The following TPPP3 variants were observed in gnomAD, a reference collection of about 807,000 sequenced individuals.
TPPP3 encodes tubulin polymerization promoting protein family member 3.
In TPPP3, 7 loss-of-function variants were observed where a neutral mutation model predicts 13.1. That is an observed-to-expected ratio of 0.54 (90% CI 0.30 to 1.01). The LOEUF (loss-of-function observed/expected upper bound fraction) is 1.01. TPPP3 is among the 50% of genes least tolerant of loss of function. The pLI is 0.06. For synonymous variants in TPPP3, 87 were observed against 93.7 expected (o/e 0.93, Z 0.41); for missense variants, 185 against 235.0 (o/e 0.79, Z 1.39).
At position 67,393,267 on chromosome 16, in the gene TPPP3, C is replaced by T. The variant is rs1414155160; in HGVS notation, c.-7+113G>A. On this transcript the variant is annotated intron_variant, in intron 1 of 3. Coordinates refer to ENST00000393957, the MANE Select transcript of TPPP3 (RefSeq NM_015964.4). This position sits in a 1 kb window ranked among gnomAD's most constrained non-coding sequence, Gnocchi z 5.4. ...CCAGGGCAGGGCCGCTCAGCTGGCT[C>T]CTCGGCTGGGACCGCCGGAGGTTGG... 5.3e-6 allele frequency: 5 copies of T among 944,174 alleles called. No individual in the cohort carries two copies. Among genetic ancestry groups the T allele is most frequent in the Admixed American group, 6.2e-5 (1 of 16,230 alleles). The allele number at this position is 944,174 out of a possible 1,614,324, so 58.5% of individuals were successfully genotyped here.
Position 67,392,826 on chromosome 16 carries a change from G to T in TPPP3, c.-7+554C>A. 2.8e-6 allele frequency: 1 copy of T among 358,112 alleles called. No individual in the cohort carries two copies. The allele number at this position is 358,112 out of a possible 1,614,324, so 22.2% of individuals were successfully genotyped here. ...ACCACACTCCCATCCCTAAGTGGCA[G>T]TTTCTGGGACTGTGAGCACCGGTGG... is the stretch of plus-strand genomic sequence containing the variant. On this transcript the variant is annotated intron_variant, in intron 1 of 3. Transcript: ENST00000393957. This position sits in a 1 kb window ranked among gnomAD's most constrained non-coding sequence, Gnocchi z 4.9.
chr16:67,391,201 A>G lies in TPPP3; in HGVS notation c.-6-84T>C. The G allele has an allele frequency of 7.5e-7, 1 of 1,341,756 alleles. No homozygotes were observed. Among genetic ancestry groups the G allele is most frequent in the African/African-American group, 1.4e-5 (1 of 69,474 alleles). The allele number at this position is 1,341,756 out of a possible 1,614,324, so 83.1% of individuals were successfully genotyped here. A position where few individuals can be genotyped will look rare whatever the true frequency, so the allele number is the denominator to read the frequency against. ...CAGAACATCCCAGCCTCTACCTCAAACCTGCAAGACCTGGGCAGGTTCTGC... is the reference window on the plus strand; with the variant it reads ...CAGAACATCCCAGCCTCTACCTCAAGCCTGCAAGACCTGGGCAGGTTCTGC... On this transcript the variant is annotated intron_variant, in intron 1 of 3. Coordinates refer to ENST00000393957, the MANE Select transcript of TPPP3 (RefSeq NM_015964.4). This position sits in a 1 kb window ranked among gnomAD's most constrained non-coding sequence, Gnocchi z 6.3.
chr16:67,392,404 G>A lies in TPPP3; in HGVS notation c.-7+976C>T, dbSNP rs1210014523. On this transcript the variant is annotated intron_variant, in intron 1 of 3. Transcript: ENST00000393957. This position sits in a 1 kb window ranked among gnomAD's most constrained non-coding sequence, Gnocchi z 4.9. The stretch of plus-strand genomic sequence containing the variant: ...TCCCCACACCCGCAGCCCTGGGGCT[G>A]AGGCCCCTGGCCACAAACCTGCATC... Among the ~76,000 whole-genome samples, 1 of 150,386 alleles carries A rather than the reference G, an allele frequency of 6.6e-6. No individual in the cohort carries two copies. Among genetic ancestry groups the A allele is most frequent in the Non-Finnish European group, 1.5e-5 (1 of 67,508 alleles).
Position 67,390,959 on chromosome 16 carries a change from T to C in TPPP3, c.153A>G (p.Thr51=), listed in dbSNP as rs200015709. 1.2e-6 allele frequency: 2 copies of C among 1,614,214 alleles called. No individual in the cohort carries two copies. The highest frequency in any genetic ancestry group is 3.3e-5 in the Admixed American group (2 of 60,030). ...AGAAGACGATGTCCACATCGGTCCCTGTCACGGACTTTCCGTCAGCCACCT... is the reference window on the plus strand; with the variant it reads ...AGAAGACGATGTCCACATCGGTCCCCGTCACGGACTTTCCGTCAGCCACCT... ...DCKVADGKSV[T]GTDVDIVFSK... Residue 51 remains threonine (T), a synonymous_variant, in exon 2 of 4, where the codon ACA becomes ACG. Transcript: ENST00000393957. This position sits in a 1 kb window ranked among gnomAD's most constrained non-coding sequence, Gnocchi z 6.4.
Position 67,390,558 on chromosome 16 carries a change from T to A in TPPP3, c.263A>T (p.Lys88Met). 6.2e-7 allele frequency: 1 copy of A among 1,614,000 alleles called. No homozygotes were observed. The highest frequency in any genetic ancestry group is 2.2e-5 in the East Asian group (1 of 44,858). The change falls in exon 3 of 4, where the codon AAG (lysine) becomes ATG (methionine). Residue 88 changes from lysine (K) to methionine (M), a missense_variant. Lys to Met is a moderately conservative substitution (Grantham distance 95, BLOSUM62 -1). Transcript: ENST00000393957. This position sits in a 1 kb window ranked among gnomAD's most constrained non-coding sequence, Gnocchi z 6.4. The stretch of plus-strand genomic sequence containing the variant: ...GAAGGCCTCCTCCTTGCTCTTCCCC[T>A]TGAATCTCTTGGTCGCCAGCTCTTC... ...ALEELATKRFKGKSKEEAFDA... is the reference protein window; with the variant it reads ...ALEELATKRFMGKSKEEAFDA...
chr16:67,390,386 G>C lies in TPPP3; in HGVS notation c.343-24C>G. 1.2e-6 allele frequency: 2 copies of C among 1,610,374 alleles called. No homozygotes were observed. Among genetic ancestry groups the C allele is most frequent in the Non-Finnish European group, 1.7e-6 (2 of 1,176,940 alleles). ...TTCTGTTTGGACAGAGTTTCCCCAG[G>C]GGCACCTGATGAGGGAGCCCAGCCC... On this transcript the variant is annotated intron_variant, in intron 3 of 3. Transcript: ENST00000393957. This position sits in a 1 kb window ranked among gnomAD's most constrained non-coding sequence, Gnocchi z 6.4.
In TPPP3 at chr16:67,391,252, G is replaced by T; in HGVS notation, c.-6-135C>A. On this transcript the variant is annotated intron_variant, in intron 1 of 3. Transcript: ENST00000393957. The surrounding 1 kb of genome is among the most constrained non-coding windows in gnomAD (Gnocchi z 6.3). ...TACAGAGTTGGTGCTGGAGCTGCCT[G>T]GGGAGAGGGGCCCGTCACTGTCGCC... 1.1e-6 allele frequency: 1 copy of T among 902,412 alleles called. No homozygotes were observed. The highest frequency in any genetic ancestry group is 1.6e-6 in the Non-Finnish European group (1 of 606,098). The allele number at this position is 902,412 out of a possible 1,614,324, so 55.9% of individuals were successfully genotyped here.
In TPPP3 at chr16:67,391,188, G is replaced by C; in HGVS notation, c.-6-71C>G. 1 of 1,487,980 alleles carries C rather than the reference G, an allele frequency of 6.7e-7. No homozygotes were observed. The highest frequency in any genetic ancestry group is 9.2e-7 in the Non-Finnish European group (1 of 1,086,712). 92.2% of individuals were successfully genotyped at this position (1,487,980 alleles called of 1,614,324 possible). ...CCTCCCCCAAGCCCAGAACATCCCAGCCTCTACCTCAAACCTGCAAGACCT... is the reference window on the plus strand; with the variant it reads ...CCTCCCCCAAGCCCAGAACATCCCACCCTCTACCTCAAACCTGCAAGACCT... On this transcript the variant is annotated intron_variant, in intron 1 of 3. Coordinates refer to ENST00000393957, the MANE Select transcript of TPPP3 (RefSeq NM_015964.4). This position sits in a 1 kb window ranked among gnomAD's most constrained non-coding sequence, Gnocchi z 6.3.
rs764519111 is a variant in TPPP3 at position 67,390,544 on chromosome 16, C to T, written c.277G>A (p.Glu93Lys). ...ATKRFKGKSK[E>K]EAFDAICQLV... is the part of the protein sequence containing the mutation. ...TGGCAGATGGCATCGAAGGCCTCCT[C>T]CTTGCTCTTCCCCTTGAATCTCTTG... Residue 93 changes from glutamate (E) to lysine (K), a missense_variant, in exon 3 of 4, where the codon GAG (glutamate) becomes AAG (lysine). Physicochemically the swap from Glu to Lys is moderately conservative, Grantham distance 56. Transcript: ENST00000393957. This position sits in a 1 kb window ranked among gnomAD's most constrained non-coding sequence, Gnocchi z 6.4. The T allele has an allele frequency of 6.2e-7, 1 of 1,614,024 alleles. No individual in the cohort carries two copies. Among genetic ancestry groups the T allele is most frequent in the Non-Finnish European group, 8.5e-7 (1 of 1,180,022 alleles).
Position 67,391,255 on chromosome 16 carries a change from G to A in TPPP3, c.-6-138C>T. 9.0e-6 allele frequency: 8 copies of A among 885,784 alleles called. No individual in the cohort carries two copies. Among genetic ancestry groups the A allele is most frequent in the Non-Finnish European group, 1.4e-5 (8 of 591,336 alleles). 54.9% of individuals were successfully genotyped at this position (885,784 alleles called of 1,614,324 possible). A position where few individuals can be genotyped will look rare whatever the true frequency, so the allele number is the denominator to read the frequency against. On this transcript the variant is annotated intron_variant, in intron 1 of 3. Transcript: ENST00000393957. The surrounding 1 kb of genome is among the most constrained non-coding windows in gnomAD (Gnocchi z 6.3). The stretch of plus-strand genomic sequence containing the variant: ...AGAGTTGGTGCTGGAGCTGCCTGGG[G>A]AGAGGGGCCCGTCACTGTCGCCCTG...
At position 67,390,977 on chromosome 16, in the gene TPPP3, A is replaced by G; in HGVS notation, c.135T>C (p.Ala45=). Residue 45 remains alanine, a synonymous_variant, in exon 2 of 4, where the codon GCT becomes GCC. Coordinates refer to ENST00000393957, the MANE Select transcript of TPPP3 (RefSeq NM_015964.4). This position sits in a 1 kb window ranked among gnomAD's most constrained non-coding sequence, Gnocchi z 6.4. ...WAKLCKDCKV[A]DGKSVTGTDV... Reference sequence around the variant, plus strand: ...CGGTCCCTGTCACGGACTTTCCGTCAGCCACCTTGCAGTCCTTGCACAGCT... The same window carrying G: ...CGGTCCCTGTCACGGACTTTCCGTCGGCCACCTTGCAGTCCTTGCACAGCT... The G allele has an allele frequency of 6.2e-7, 1 of 1,614,234 alleles. No homozygotes were observed. Among genetic ancestry groups the G allele is most frequent in the Non-Finnish European group, 8.5e-7 (1 of 1,180,034 alleles).
At position 67,390,567 on chromosome 16, in the gene TPPP3, T is replaced by C. The variant is rs943586964; in HGVS notation, c.254A>G (p.Lys85Arg). 2.5e-6 allele frequency: 4 copies of C among 1,614,052 alleles called. No individual in the cohort carries two copies. Among genetic ancestry groups the C allele is most frequent in the Non-Finnish European group, 3.4e-6 (4 of 1,180,018 alleles). The change falls in exon 3 of 4, where the codon AAG becomes AGG. Residue 85 changes from lysine to arginine, a missense_variant. Transcript: ENST00000393957. This position sits in a 1 kb window ranked among gnomAD's most constrained non-coding sequence, Gnocchi z 6.4. The part of the protein sequence containing the change: ...FKKALEELAT[K>R]RFKGKSKEEA... ...CTCCTTGCTCTTCCCCTTGAATCTC[T>C]TGGTCGCCAGCTCTTCCAGGGCCTT...
chr16:67,390,232 C>G lies in TPPP3; in HGVS notation c.473G>C (p.Ser158Thr). 6.2e-7 allele frequency: 1 copy of G among 1,614,258 alleles called. No homozygotes were observed. The change falls in exon 4 of 4, where the codon AGT becomes ACT. Residue 158 changes from serine (S) to threonine (T), a missense_variant. Ser to Thr is a moderately conservative substitution (Grantham distance 58). Coordinates refer to ENST00000393957, the MANE Select transcript of TPPP3 (RefSeq NM_015964.4). The surrounding 1 kb of genome is among the most constrained non-coding windows in gnomAD (Gnocchi z 6.4). The part of the protein sequence containing the change: ...IAGRQDILDD[S>T]GYVSAYKNAG... Reference sequence around the variant, plus strand: ...ATTCTTGTAGGCGCTCACGTAGCCACTGTCGTCCAGGATGTCCTGCCGTCC... The same window carrying G: ...ATTCTTGTAGGCGCTCACGTAGCCAGTGTCGTCCAGGATGTCCTGCCGTCC...
At position 67,390,349 on chromosome 16, in the gene TPPP3, C is replaced by T. The variant is rs777697372; in HGVS notation, c.356G>A (p.Gly119Glu). The T allele has an allele frequency of 5.0e-6, 8 of 1,613,698 alleles. No homozygotes were observed. Among genetic ancestry groups the T allele is most frequent in the Non-Finnish European group, 6.8e-6 (8 of 1,179,752 alleles). Residue 119 changes from glycine to glutamate, a missense_variant, in exon 4 of 4, where the codon GGG (glycine) becomes GAG (glutamate). Gly to Glu is a moderately conservative substitution (Grantham distance 98). Coordinates refer to ENST00000393957, the MANE Select transcript of TPPP3 (RefSeq NM_015964.4). This position sits in a 1 kb window ranked among gnomAD's most constrained non-coding sequence, Gnocchi z 6.4. ...GTCCGTCAGCCGGTCTACAGCACCC[C>T]CTGTTTTTGCTTTCTGTTTGGACAG... is the stretch of plus-strand genomic sequence containing the variant. The part of the protein sequence containing the change: ...ANVGVTKAKT[G>E]GAVDRLTDTS...
rs756811654 is a variant in TPPP3, at chr16:67,390,627, T to A, written c.194A>T (p.Lys65Met). The A allele has an allele frequency of 1.9e-6, 3 of 1,612,482 alleles. No homozygotes were observed. Among genetic ancestry groups the A allele is most frequent in the Non-Finnish European group, 2.5e-6 (3 of 1,179,714 alleles). Residue 65 changes from lysine to methionine, a missense_variant, in exon 3 of 4, where the codon AAG becomes ATG. Lys to Met is a moderately conservative substitution (Grantham distance 95). Transcript: ENST00000393957. The surrounding 1 kb of genome is among the most constrained non-coding windows in gnomAD (Gnocchi z 6.4). ...CTCATAGTTGATGACCCGAGCAGAC[T>A]TCCCCCTGACAGGCATGTGGGCACC... Reference protein sequence around the residue: ...VDIVFSKVKGKSARVINYEEF... With the variant: ...VDIVFSKVKGMSARVINYEEF...
In TPPP3 at chr16:67,392,034, A is replaced by G. The variant is rs558035399; in HGVS notation, c.-6-917T>C. ...TACGAACCCCAAGAGTCGTGCTGGC[A>G]AGTGGGGCTGTGGCTGAAACACACT... On this transcript the variant is annotated intron_variant, in intron 1 of 3. Transcript: ENST00000393957. The surrounding 1 kb of genome is among the most constrained non-coding windows in gnomAD (Gnocchi z 4.9). 2.6e-5 allele frequency: 4 copies of G among 152,612 alleles called. No homozygotes were observed. The East Asian group carries it at 5.8e-4, about 22-fold the overall frequency. The allele number at this position is 152,612 out of a possible 1,614,324, so 9.5% of individuals were successfully genotyped here.
Position 67,392,135 on chromosome 16 carries a change from C to G in TPPP3, c.-6-1018G>C, listed in dbSNP as rs1412155896. 1.3e-5 allele frequency among the ~76,000 whole-genome samples: 2 copies of G among 151,640 alleles called. No individual in the cohort carries two copies. The highest frequency in any genetic ancestry group is 2.9e-5 in the Non-Finnish European group (2 of 67,842). On this transcript the variant is annotated intron_variant, in intron 1 of 3. Transcript: ENST00000393957. This position sits in a 1 kb window ranked among gnomAD's most constrained non-coding sequence, Gnocchi z 4.9. ...ACACCAGCCCACATTCCCAGCGACC[C>G]TGTGCACTCAGCCCTGGCCTGCCAC... is the stretch of plus-strand genomic sequence containing the variant.
In TPPP3 at chr16:67,393,205, A is replaced by G; in HGVS notation, c.-7+175T>C. On this transcript the variant is annotated intron_variant, in intron 1 of 3. Transcript: ENST00000393957. This position sits in a 1 kb window ranked among gnomAD's most constrained non-coding sequence, Gnocchi z 5.4. ...ACAGCTGGAGTCATCAATCAGCCGG[A>G]CCAGGAGGTGGGGGCTGCGAGGTGG... The G allele has an allele frequency of 1.5e-6, 1 of 665,936 alleles. No homozygotes were observed. Among genetic ancestry groups the G allele is most frequent in the Non-Finnish European group, 1.9e-6 (1 of 538,042 alleles). 41.3% of individuals were successfully genotyped at this position (665,936 alleles called of 1,614,324 possible).
Position 67,391,594 on chromosome 16 carries a change from G to A in TPPP3, c.-6-477C>T, listed in dbSNP as rs2142210736. The stretch of plus-strand genomic sequence containing the variant: ...AGGACAGCATCTCTGTAAGGGTCAT[G>A]AGGACCCAGCAAGAGCCAGTCTGGG... On this transcript the variant is annotated intron_variant, in intron 1 of 3. Coordinates refer to ENST00000393957, the MANE Select transcript of TPPP3 (RefSeq NM_015964.4). This position sits in a 1 kb window ranked among gnomAD's most constrained non-coding sequence, Gnocchi z 6.3. 6.3e-6 allele frequency: 1 copy of A among 158,368 alleles called. No individual in the cohort carries two copies. The highest frequency in any genetic ancestry group is 1.4e-5 in the Non-Finnish European group (1 of 71,860). 9.8% of individuals were successfully genotyped at this position (158,368 alleles called of 1,614,324 possible).
Sources: allele counts gnomAD v4.1 joint callset (sites outside exome capture counted in the v4.1 genomes callset), GRCh38; gene constraint gnomAD v4.1.1; non-coding constraint Gnocchi (gnomAD v3.1); transcripts MANE v1.5; gene names NCBI Gene and HGNC (gene_info 2026-07-23, HGNC 2026-07-21).